PAK3: variants seen among roughly 807,000 people sequenced by gnomAD.
PAK3 encodes the protein serine/threonine-protein kinase PAK 3.
In PAK3, 4 loss-of-function variants were observed where a neutral mutation model predicts 41.0. The ratio of observed to expected loss-of-function variants is 0.10; its 90% CI spans 0.05 to 0.22. The LOEUF is 0.22. Ranked by LOEUF, PAK3 falls within the 10% of genes least tolerant of loss-of-function variation. The pLI is 1.00. For synonymous variants in PAK3, 146 were observed against 139.6 expected (o/e 1.05, Z -0.32); for missense variants, 205 against 409.9 (o/e 0.50, Z 4.32).
intron 1 of PAK3, among the ~76,000 whole-genome samples, chrX:110,964,142 C>T (rs769336135): frequency 2.1e-4 from 23 of 111,894 alleles, no homozygotes; most frequent in African/African-American, 7.1e-4. Context: ...ATTATTTTTG[C>T]CCTTTTACAA....
intron 16 of PAK3, among the ~76,000 whole-genome samples, chrX:111,207,791 A>AGGTTT (rs1468687756): frequency 7.0e-4 from 78 of 110,853 alleles, no homozygotes; most frequent in African/African-American, 2.5e-3. Flanking sequence ...GTTTTTGGGG[A>AGGTTT]GGTTTTGTTT....
chrX:111,141,570 ATTC>A (rs1279038021), intron 5 of PAK3, among the ~76,000 whole-genome samples: 1 of 112,318 alleles, frequency 8.9e-6, no homozygotes, highest in African/African-American at 3.2e-5. Context: ...TTGCAGTGGT[ATTC>A]TTGTTAATAG....
At chrX:111,038,730 T>A (rs1569509678) in intron 1 of PAK3, among the ~76,000 whole-genome samples, 1 of 112,407 alleles carries the variant, frequency 8.9e-6, no homozygotes, top group Non-Finnish European at 1.9e-5. Context: ...ATGAGGATAA[T>A]AATAGTATCT....
intron 10 of PAK3, among the ~76,000 whole-genome samples, chrX:111,171,340 T>G (rs1408917118): frequency 3.6e-5 from 4 of 111,290 alleles, no homozygotes; most frequent in Non-Finnish European, 7.6e-5. Context: ...TACTGACATG[T>G]TTGCTTCCAG....
In PAK3 at chrX:111,220,686, A is replaced by G; in HGVS notation, c.*239A>G. On this transcript the variant is annotated 3_prime_UTR_variant, in exon 18 of 18. Transcript: ENST00000372007. ...AAGTGACCATAAAGTGGTCACTTCC[A>G]CCGTGAAGCGAAAGAGCCAGTAGTG... 2.5e-6 allele frequency: 1 copy of G among 399,332 alleles called. No homozygotes were observed. The highest frequency in any genetic ancestry group is 4.1e-5 in the South Asian group (1 of 24,239). The allele number at this position is 399,332 out of a possible 1,213,427, so 32.9% of individuals were successfully genotyped here. A position where few individuals can be genotyped will look rare whatever the true frequency, so the allele number is the denominator to read the frequency against.
At chrX:111,202,770 T>C (rs1462487743) in intron 16 of PAK3, among the ~76,000 whole-genome samples, 1 of 111,932 alleles carries the variant, frequency 8.9e-6, no homozygotes, top group East Asian at 2.8e-4. Flanking sequence ...ATTTGTTATT[T>C]GTGAAATGTA....
intron 1 of PAK3, among the ~76,000 whole-genome samples, chrX:110,961,079 T>C (rs778000211): frequency 9.0e-6 from 1 of 111,498 alleles, no homozygotes; most frequent in Non-Finnish European, 1.9e-5. Flanking sequence ...GTGGATCTTG[T>C]TCCTGGCTGC....
chrX:111,203,799 G>A (rs2094709845), intron 16 of PAK3, among the ~76,000 whole-genome samples: 1 of 111,912 alleles, frequency 8.9e-6, no homozygotes, highest in Non-Finnish European at 1.9e-5. Context: ...TGGGTTTGAT[G>A]GCGTGTGCTC....
chrX:111,164,716 A>G (rs2094233265), intron 10 of PAK3, among the ~76,000 whole-genome samples: 1 of 111,929 alleles, frequency 8.9e-6, no homozygotes, highest in Non-Finnish European at 1.9e-5. Flanking sequence ...AAACAAATAC[A>G]TCTTTACTGA....
At chrX:110,999,538 T>G (rs2091808321) in intron 1 of PAK3, among the ~76,000 whole-genome samples, 1 of 111,196 alleles carries the variant, frequency 9.0e-6, no homozygotes, top group African/African-American at 3.3e-5. Flanking sequence ...TCTTCAGTGC[T>G]CAGCCAGAGC....
rs184140529 is a variant in PAK3 at position 111,209,448 on chromosome X, A to G, written c.1408-6973A>G. Reference sequence around the variant, plus strand: ...ATCTATTAATACTTTCCATGGATATAACATTTATATAGATATCAAGGTATC... The same window carrying G: ...ATCTATTAATACTTTCCATGGATATGACATTTATATAGATATCAAGGTATC... On this transcript the variant is annotated intron_variant, in intron 16 of 17. Coordinates refer to ENST00000372007, the MANE Select transcript of PAK3 (RefSeq NM_002578.5). Among the ~76,000 whole-genome samples the G allele has an allele frequency of 8.9e-5, 10 of 112,550 alleles. No individual in the cohort carries two copies. In the East Asian group the frequency reaches 2.8e-3, roughly 31 times the overall value.
At chrX:110,990,439 T>C (rs1374475021) in intron 1 of PAK3, among the ~76,000 whole-genome samples, 1 of 111,365 alleles carries the variant, frequency 9.0e-6, no homozygotes, top group Non-Finnish European at 1.9e-5. Flanking sequence ...GAGCTTATAG[T>C]CTACCTGAGA....
chrX:111,025,803 C>T (rs2092260725), intron 1 of PAK3, among the ~76,000 whole-genome samples: 1 of 105,845 alleles, frequency 9.4e-6, no homozygotes, highest in African/African-American at 3.5e-5. Context: ...TAAAGCCAGA[C>T]TAATACCTTA....
At position 111,225,021 on chromosome X, in the gene PAK3, C is replaced by T. The variant is rs1262140594; in HGVS notation, c.*4574C>T. On this transcript the variant is annotated 3_prime_UTR_variant, in exon 18 of 18. Transcript: ENST00000372007. ...AGCTCTGAACAAGAGGACTGAAATT[C>T]AGCATTTGTAAACTGACAGTTTGAT... The T allele has an allele frequency of 8.9e-6, 1 of 112,005 alleles. No homozygotes were observed. The highest frequency in any genetic ancestry group is 1.9e-5 in the Non-Finnish European group (1 of 53,228). 9.2% of individuals were successfully genotyped at this position (112,005 alleles called of 1,213,427 possible). A position where few individuals can be genotyped will look rare whatever the true frequency, so the allele number is the denominator to read the frequency against.
chrX:111,053,508 G>A (rs1170176144), intron 1 of PAK3, among the ~76,000 whole-genome samples: 1 of 111,737 alleles, frequency 8.9e-6, no homozygotes, highest in Non-Finnish European at 1.9e-5. Flanking sequence ...GACTCCCTAT[G>A]TACTATAATT....
chrX:111,176,929 A>C (rs2094411671), intron 11 of PAK3, among the ~76,000 whole-genome samples: 1 of 104,620 alleles, frequency 9.6e-6, no homozygotes, highest in Non-Finnish European at 2.0e-5. Flanking sequence ...TTAATTATTA[A>C]AGTAAAGCAA....
chrX:110,951,611 A>G, intron 1 of PAK3, among the ~76,000 whole-genome samples: 1 of 112,354 alleles, frequency 8.9e-6, no homozygotes, highest in Non-Finnish European at 1.9e-5. Flanking sequence ...GCTAGGCTGA[A>G]ATTCATATTT....
At chrX:110,964,821 G>T (rs1215601039) in intron 1 of PAK3, among the ~76,000 whole-genome samples, 2 of 112,230 alleles carry the variant, frequency 1.8e-5, no homozygotes, top group Non-Finnish European at 3.8e-5. Context: ...ATGGGGAGGA[G>T]GGGGAGAAGG....
chrX:111,061,808 T>C (rs2092658180), intron 1 of PAK3, among the ~76,000 whole-genome samples: 1 of 111,048 alleles, frequency 9.0e-6, no homozygotes, highest in African/African-American at 3.3e-5. Flanking sequence ...GTGAACCTTA[T>C]ACTCAGTCAC....
Sources: gnomAD v4.1 joint callset for allele counts (sites outside exome capture counted in the v4.1 genomes callset) on GRCh38, gnomAD v4.1.1 for gene constraint, MANE v1.5 for transcripts, NCBI Gene and HGNC (gene_info 2026-07-23, HGNC 2026-07-21) for gene names.